Variants in SYNPR observed in about 807,000 individuals in gnomAD.
SYNPR encodes synaptoporin.
In SYNPR, 23 loss-of-function variants were observed where a neutral mutation model predicts 32.9. The ratio of observed to expected loss-of-function variants is 0.70; its 90% CI spans 0.50 to 0.99. The LOEUF is 0.99. SYNPR is among the 50% of genes least tolerant of loss of function. SYNPR has a pLI of 0.00. For synonymous variants in SYNPR, 146 were observed against 135.9 expected, an observed-to-expected ratio of 1.07 and a Z score of -0.52; for missense variants, 318 against 349.3, an observed-to-expected ratio of 0.91 and a Z score of 0.71.
At chr3:63,205,792 A>C in the SYNPR span, among the ~76,000 whole-genome samples, 1 of 152,206 alleles carries the variant, frequency 6.6e-6, no homozygotes, top group Admixed American at 6.5e-5. Flanking sequence ...AGGAGTATGC[A>C]AAGTATTACT....
rs1039714104 is a variant in SYNPR, at chr3:63,354,097, G to A, written c.84+75355G>A. Among the ~76,000 whole-genome samples, 3 of 152,138 alleles carry A rather than the reference G, an allele frequency of 2.0e-5. No individual in the cohort carries two copies. In the East Asian group the frequency reaches 5.8e-4, roughly 29 times the overall value. On this transcript the variant is annotated intron_variant, in intron 2 of 5. Transcript: ENST00000478300. ...GCTTGAGTTTCCTCACAAATAACAT[G>A]AGCATTAATAATAATAACTGTCTTA...
rs191357031 is a variant in SYNPR, at chr3:63,253,430, C to G, written n.154+844C>G. Among the ~76,000 whole-genome samples, 91 of 152,240 alleles carry G rather than the reference C, an allele frequency of 6.0e-4. 1 individual carries two copies. The Middle Eastern group carries it at 0.01, about 17-fold the overall frequency. On this transcript the variant is annotated intron_variant and non_coding_transcript_variant, in intron 2 of 4. Transcript: ENST00000478456. ...ACTGCATTGCCTTCCTAAAGACTAC[C>G]TTGAAATAATAATTTTGATGAATAA...
chr3:63,457,014 G>C (rs1238485824), intron 2 of SYNPR, among the ~76,000 whole-genome samples: 1 of 151,998 alleles, frequency 6.6e-6, no homozygotes, highest in African/African-American at 2.4e-5. Context: ...CTGTCTTGTG[G>C]GTGGCCTAGC....
At chr3:63,365,960 A>G (rs1267496906) in intron 2 of SYNPR, among the ~76,000 whole-genome samples, 1 of 152,152 alleles carries the variant, frequency 6.6e-6, no homozygotes, top group African/African-American at 2.4e-5. Flanking sequence ...GAAGCTTTTG[A>G]TGTTCTATTC....
intron 2 of SYNPR, among the ~76,000 whole-genome samples, chr3:63,286,734 A>G (rs1240787123): frequency 6.6e-6 from 1 of 152,178 alleles, no homozygotes; most frequent in African/African-American, 2.4e-5. Flanking sequence ...TTCCTGTTCA[A>G]TGTACTAGCT....
intron 5 of SYNPR, among the ~76,000 whole-genome samples, chr3:63,613,657 C>T (rs1700236733): frequency 8.6e-6 from 1 of 115,880 alleles, no homozygotes; most frequent in South Asian, 3.2e-4. Flanking sequence ...AAGTACAATT[C>T]ACAGAAATGT....
chr3:63,557,186 A>G (rs999652808), intron 4 of SYNPR, among the ~76,000 whole-genome samples: 2 of 152,172 alleles, frequency 1.3e-5, no homozygotes, highest in African/African-American at 4.8e-5. Flanking sequence ...GCCTCGTACA[A>G]TGGTCCAAGG....
At chr3:63,257,561 G>A (rs1050831240) in intron 2 of SYNPR, among the ~76,000 whole-genome samples, 75 of 152,226 alleles carry the variant, frequency 4.9e-4, no homozygotes, top group African/African-American at 1.5e-3. Flanking sequence ...AAGAGCTCCT[G>A]AAGGAAGCAC....
intron 4 of SYNPR, among the ~76,000 whole-genome samples, chr3:63,579,270 G>T (rs2106858110): frequency 6.6e-6 from 1 of 152,128 alleles, no homozygotes; most frequent in South Asian, 2.1e-4. Flanking sequence ...TCCCATCTCA[G>T]GGGCTCCCTG....
At chr3:63,457,084 G>T (rs931360666) in intron 2 of SYNPR, among the ~76,000 whole-genome samples, 2 of 152,008 alleles carry the variant, frequency 1.3e-5, no homozygotes, top group African/African-American at 2.4e-5. Flanking sequence ...CCTAAGTGGG[G>T]CTATCACCTT....
chr3:63,560,157 C>G (rs1373527058), intron 4 of SYNPR, among the ~76,000 whole-genome samples: 1 of 151,940 alleles, frequency 6.6e-6, no homozygotes, highest in East Asian at 1.9e-4. Context: ...AGAGATAATT[C>G]TAGTAATCAA....
intron 2 of SYNPR, among the ~76,000 whole-genome samples, chr3:63,264,836 G>A (rs926304989): frequency 1.3e-5 from 2 of 152,010 alleles, no homozygotes; most frequent in Non-Finnish European, 2.9e-5. Context: ...GGCAAGCCGG[G>A]GAAATTCCAG....
chr3:63,450,355 C>T lies in SYNPR; in HGVS notation c.85-30477C>T, dbSNP rs116907715. On this transcript the variant is annotated intron_variant, in intron 2 of 5. Coordinates refer to ENST00000478300, the MANE Select transcript of SYNPR (RefSeq NM_001130003.2). Reference sequence around the variant, plus strand: ...ATCTGATCTCTTGCTGGTGACTCTACACCATTAAAACTTAATTTATTTAAG... The same window carrying T: ...ATCTGATCTCTTGCTGGTGACTCTATACCATTAAAACTTAATTTATTTAAG... Among the ~76,000 whole-genome samples, 206 of 152,276 alleles carry T rather than the reference C, an allele frequency of 1.4e-3. 3 individuals are homozygous for T. The East Asian group carries it at 0.033, about 24-fold the overall frequency.
intron 2 of SYNPR, among the ~76,000 whole-genome samples, chr3:63,368,619 A>G (rs985789664): frequency 6.6e-6 from 1 of 152,164 alleles, no homozygotes; most frequent in African/African-American, 2.4e-5. Context: ...AATTAGGAGA[A>G]GGAATAACAA....
chr3:63,474,875 C>T (rs1290709390), intron 2 of SYNPR, among the ~76,000 whole-genome samples: 1 of 152,150 alleles, frequency 6.6e-6, no homozygotes, highest in Admixed American at 6.5e-5. Flanking sequence ...GACTTCACTG[C>T]AGACCAAGCA....
rs550150897 is a variant in SYNPR, at chr3:63,397,187, C to G, written c.85-83645C>G. Among the ~76,000 whole-genome samples, 120 of 151,412 alleles carry G rather than the reference C, an allele frequency of 7.9e-4. 4 individuals are homozygous for G. The South Asian group carries it at 0.024, about 31-fold the overall frequency. On this transcript the variant is annotated intron_variant, in intron 2 of 5. Coordinates refer to ENST00000478300, the MANE Select transcript of SYNPR (RefSeq NM_001130003.2). The stretch of plus-strand genomic sequence containing the variant: ...TTAATTCAAGAAGGCTGTAGGGAGG[C>G]AGAGAAGAGAAAGTGCTGTATTGGG...
chr3:63,275,054 C>G (rs2086562515), upstream of SYNPR, among the ~76,000 whole-genome samples: 1 of 152,208 alleles, frequency 6.6e-6, no homozygotes. Flanking sequence ...ACACTGGCCA[C>G]TAAAATGGAT....
chr3:63,609,913 A>C (rs1700174959), intron 5 of SYNPR, among the ~76,000 whole-genome samples: 2 of 152,176 alleles, frequency 1.3e-5, no homozygotes, highest in South Asian at 4.1e-4. Context: ...CGGTCTCAAA[A>C]ACAAAAACAA....
At chr3:63,203,742 A>C in the SYNPR span, among the ~76,000 whole-genome samples, 14 of 152,108 alleles carry the variant, frequency 9.2e-5, no homozygotes, top group African/African-American at 3.4e-4. Context: ...TATGCCTGTA[A>C]TCCCAGCACT....
Sources: gnomAD v4.1 joint callset for allele counts (sites outside exome capture counted in the v4.1 genomes callset) on GRCh38, gnomAD v4.1.1 for gene constraint, MANE v1.5 for transcripts, NCBI Gene and HGNC (gene_info 2026-07-23, HGNC 2026-07-21) for gene names.